LONP1: variants seen among roughly 807,000 people sequenced by gnomAD.
The protein encoded by LONP1 is lon protease homolog, mitochondrial.
LONP1 carries 31 observed loss-of-function variants against 98.5 expected under a neutral mutation model. That is an observed-to-expected ratio of 0.31 (90% CI 0.24 to 0.42). The LOEUF is 0.42. LONP1 is among the 20% of genes least tolerant of loss of function. LONP1 has a pLI of 1.00. For missense variants in LONP1, 1,336 were observed against 1,350.6 expected, an observed-to-expected ratio of 0.99 and a Z score of 0.17; for synonymous variants, 781 against 594.7, an observed-to-expected ratio of 1.31 and a Z score of -4.56.
chr19:5,699,075 CG>C lies in LONP1; in HGVS notation c.1636del (p.Arg546AlafsTer7). Reference protein sequence around the residue: ...IARALNREYFRFSVGGMTDVA... With the variant: ...IARALNREYFXFSVGGMTDVA... ...GTCAGTCATGCCCCCGACGCTGAAGCGGAAGTACTCTCGGTTCAGGGCGCGG... is the reference window on the plus strand; with the variant it reads ...GTCAGTCATGCCCCCGACGCTGAAGCGAAGTACTCTCGGTTCAGGGCGCGG... On this transcript the variant is annotated frameshift_variant, in exon 10 of 18. Coordinates refer to ENST00000360614, the MANE Select transcript of LONP1 (RefSeq NM_004793.4). LOFTEE classifies it high-confidence loss of function. 1 of 1,608,534 alleles carries C rather than the reference CG, an allele frequency of 6.2e-7. No homozygotes were observed. The highest frequency in any genetic ancestry group is 8.5e-7 in the Non-Finnish European group (1 of 1,176,872).
At position 5,699,209 on chromosome 19, in the gene LONP1, C is replaced by T; in HGVS notation, c.1507-4G>A. 6.7e-7 allele frequency: 1 copy of T among 1,493,032 alleles called. No individual in the cohort carries two copies. 92.5% of individuals were successfully genotyped at this position (1,493,032 alleles called of 1,614,324 possible). ...GCTGGCTAACGGCAATGAACTCCTG[C>T]AGACAGAGGCAGGTTCAGTGGGCAC... On this transcript the variant is annotated splice_polypyrimidine_tract_variant and splice_region_variant and intron_variant, in intron 9 of 17. Coordinates refer to ENST00000360614, the MANE Select transcript of LONP1 (RefSeq NM_004793.4).
At position 5,706,633 on chromosome 19, in the gene LONP1, C is replaced by T. The variant is rs147829145; in HGVS notation, c.1146+427G>A. Reference sequence around the variant, plus strand: ...AAGTAAAAAATTCTGAAAAATGCTACGACCGTGAGGTGACCGGCCATCAGG... The same window carrying T: ...AAGTAAAAAATTCTGAAAAATGCTATGACCGTGAGGTGACCGGCCATCAGG... On this transcript the variant is annotated intron_variant, in intron 7 of 17. Transcript: ENST00000360614. Among the ~76,000 whole-genome samples the T allele has an allele frequency of 1.8e-4, 28 of 152,194 alleles. 1 individual carries two copies. The East Asian group carries it at 2.9e-3, about 16-fold the overall frequency.
Position 5,693,426 on chromosome 19 carries a change from T to C in LONP1, c.2575A>G (p.Thr859Ala). 1 of 1,612,412 alleles carries C rather than the reference T, an allele frequency of 6.2e-7. No individual in the cohort carries two copies. The highest frequency in any genetic ancestry group is 8.5e-7 in the Non-Finnish European group (1 of 1,179,218). ...AGGGACAGCAGGGCCGTGACGATGG[T>C]GCAGCCTGCGCTTGGGCCGTCCTTG... is the stretch of plus-strand genomic sequence containing the variant. Reference protein sequence around the residue: ...TPKDGPSAGCTIVTALLSLAM... With the variant: ...TPKDGPSAGCAIVTALLSLAM... Residue 859 changes from threonine to alanine, a missense_variant, in exon 17 of 18, where the codon ACC becomes GCC. Physicochemically the swap from Thr to Ala is moderately conservative, Grantham distance 58. Around this residue, in one of 5 missense-constraint regions of LONP1, gnomAD observed 555 missense variants for 542.6 expected, o/e 1.02. Coordinates refer to ENST00000360614, the MANE Select transcript of LONP1 (RefSeq NM_004793.4).
upstream of LONP1, chr19:5,720,237 G>C (rs898586017): frequency 9.5e-6 from 13 of 1,366,058 alleles, no homozygotes; most frequent in South Asian, 5.1e-5. Context: ...CGCGTGGCTC[G>C]AAACAGCCGC....
At chr19:5,706,244 C>T (rs1219471780) in intron 7 of LONP1, among the ~76,000 whole-genome samples, 1 of 152,086 alleles carries the variant, frequency 6.6e-6, no homozygotes, top group Non-Finnish European at 1.5e-5. Context: ...TCAAGCGATC[C>T]TCCTGCCTTA....
At chr19:5,700,206 T>A (rs1251964690) in intron 9 of LONP1, among the ~76,000 whole-genome samples, 3 of 152,134 alleles carry the variant, frequency 2.0e-5, no homozygotes, top group Admixed American at 2.0e-4. Flanking sequence ...CTCTGGCTCC[T>A]GGGTTCAAGC....
At position 5,693,764 on chromosome 19, in the gene LONP1, A is replaced by C. The variant is rs1356927232; in HGVS notation, c.2326T>G (p.Ser776Ala). ...MGLAWTAMGG[S>A]TLFVETSLRR... ...AGGGATGTCTCCACAAACAGCGTGG[A>C]GCCTCCTGAAACAGGTGTGGAGCTG... The change falls in exon 16 of 18, where the codon TCC becomes GCC. Residue 776 changes from serine to alanine, a missense_variant. By Grantham distance (99) the Ser-to-Ala change is moderately conservative. Around this residue, in one of 5 missense-constraint regions of LONP1, gnomAD observed 555 missense variants for 542.6 expected, o/e 1.02. Transcript: ENST00000360614. 4 of 1,613,178 alleles carry C rather than the reference A, an allele frequency of 2.5e-6. No homozygotes were observed. Among genetic ancestry groups the C allele is most frequent in the Admixed American group, 1.7e-5 (1 of 59,960 alleles).
In LONP1 at chr19:5,693,624, T is replaced by C. The variant is rs562078527; in HGVS notation, c.2466A>G (p.Arg822=). ...ESARIAYTFA[R]AFLMQHAPAN... The stretch of plus-strand genomic sequence containing the variant: ...CGGGGGCGTGCTGCATGAGGAAGGC[T>C]CTGGCGAAGGTGTAGGCTATGCGGG... The change falls in exon 16 of 18, where the codon AGA becomes AGG. Residue 822 remains arginine, a synonymous_variant. Transcript: ENST00000360614. 23 of 1,614,008 alleles carry C rather than the reference T, an allele frequency of 1.4e-5. No individual in the cohort carries two copies. In the African/African-American group the frequency reaches 2.7e-4, roughly 19 times the overall value.
intron 8 of LONP1, among the ~76,000 whole-genome samples, chr19:5,704,291 A>G (rs1317506048): frequency 6.6e-6 from 1 of 152,192 alleles, no homozygotes; most frequent in Non-Finnish European, 1.5e-5. Flanking sequence ...GCGGGATCTC[A>G]GGGCTCGGCA....
intron 1 of LONP1, 75 bp from the exon 2 acceptor site, chr19:5,714,346 T>A: frequency 2.0e-6 from 2 of 1,021,336 alleles, no homozygotes; most frequent in Non-Finnish European, 1.5e-6. Context: ...TCTGTTGCCC[T>A]GGCTGGAATG....
upstream of LONP1, chr19:5,720,210 C>A: frequency 7.2e-7 from 1 of 1,384,208 alleles, no homozygotes. Flanking sequence ...CCGGCGCGTG[C>A]CTCGGTACCC....
chr19:5,693,837 CG>C (rs1342420988), intron 15 of LONP1, 68 bp from the exon 16 acceptor site: 4 of 1,346,366 alleles, frequency 3.0e-6, no homozygotes, highest in Non-Finnish European at 4.1e-6. Context: ...CTCCACCCCT[CG>C]GGGCCACTCT....
In LONP1 at chr19:5,696,124, G is replaced by A. The variant is rs771259377; in HGVS notation, c.1943C>T (p.Pro648Leu). The stretch of plus-strand genomic sequence containing the variant: ...GATCATCTCCATACGGTCTCGCAGC[G>A]GCTCGGGGATGGTGTCCGTGACGTT... ...TANVTDTIPE[P>L]LRDRMEMINV... The change falls in exon 13 of 18, where the codon CCG becomes CTG. Residue 648 changes from proline (P) to leucine (L), a missense_variant. Coordinates refer to ENST00000360614, the MANE Select transcript of LONP1 (RefSeq NM_004793.4). 19 of 1,613,036 alleles carry A rather than the reference G, an allele frequency of 1.2e-5. No homozygotes were observed. The highest frequency in any genetic ancestry group is 1.7e-5 in the Admixed American group (1 of 60,016).
rs765085118 is a variant in LONP1, at chr19:5,700,780, T to C, written c.1506+9A>G. ...TGCAAATCCACAACAGGCCAGACAC[T>C]GGGCTCACCAGGATGCGTTTCTTGA... On this transcript the variant is annotated intron_variant, in intron 9 of 17. Transcript: ENST00000360614. 2 of 1,613,918 alleles carry C rather than the reference T, an allele frequency of 1.2e-6. No individual in the cohort carries two copies. The highest frequency in any genetic ancestry group is 4.5e-5 in the East Asian group (2 of 44,886).
intron 9 of LONP1, among the ~76,000 whole-genome samples, chr19:5,700,170 A>G (rs1425575421): frequency 6.6e-6 from 1 of 151,788 alleles, no homozygotes; most frequent in African/African-American, 2.4e-5. Context: ...CTGGAGTGCA[A>G]TGGCACGATC....
chr19:5,710,193 C>T (rs1319124488), intron 4 of LONP1, among the ~76,000 whole-genome samples: 1 of 151,350 alleles, frequency 6.6e-6, no homozygotes, highest in East Asian at 2.0e-4. Flanking sequence ...AAGCAATTCT[C>T]CCGCCTCAGT....
rs777115270 is a variant in LONP1, at chr19:5,693,780, T to G, written c.2321-11A>C. The G allele has an allele frequency of 1.9e-6, 3 of 1,611,118 alleles. No individual in the cohort carries two copies. In the South Asian group the frequency reaches 3.3e-5, roughly 18 times the overall value. ...ACAGCGTGGAGCCTCCTGAAACAGG[T>G]GTGGAGCTGTGAACACGGGAGGCCT... On this transcript the variant is annotated splice_polypyrimidine_tract_variant and intron_variant, in intron 15 of 17. Coordinates refer to ENST00000360614, the MANE Select transcript of LONP1 (RefSeq NM_004793.4).
chr19:5,700,800 T>G lies in LONP1; in HGVS notation c.1495A>C (p.Lys499Gln). The part of the protein sequence containing the change: ...EDHYGMEDVK[K>Q]RILEFIAVSQ... ...GACACTGGGCTCACCAGGATGCGTTTCTTGACGTCCTCCATGCCGTAGTGG... is the reference window on the plus strand; with the variant it reads ...GACACTGGGCTCACCAGGATGCGTTGCTTGACGTCCTCCATGCCGTAGTGG... The change falls in exon 9 of 18, where the codon AAA becomes CAA. Residue 499 changes from lysine (K) to glutamine (Q), a missense_variant. Physicochemically the swap from Lys to Gln is moderately conservative, Grantham distance 53. Around this residue, in one of 5 missense-constraint regions of LONP1, gnomAD observed 219 missense variants for 241.0 expected, o/e 0.91. Coordinates refer to ENST00000360614, the MANE Select transcript of LONP1 (RefSeq NM_004793.4). 1.2e-6 allele frequency: 2 copies of G among 1,614,166 alleles called. No individual in the cohort carries two copies. The highest frequency in any genetic ancestry group is 1.7e-6 in the Non-Finnish European group (2 of 1,180,000).
At chr19:5,709,251 G>A (rs181213896) in intron 4 of LONP1, among the ~76,000 whole-genome samples, 7 of 151,928 alleles carry the variant, frequency 4.6e-5, no homozygotes, top group Admixed American at 3.3e-4. Flanking sequence ...CACTTTGGGA[G>A]GCAGAGTTAG....
Sources: allele counts gnomAD v4.1 joint callset (sites outside exome capture counted in the v4.1 genomes callset), GRCh38; gene constraint gnomAD v4.1.1; regional missense constraint gnomAD v4.1.1; transcripts MANE v1.5; gene names NCBI Gene and HGNC (gene_info 2026-07-23, HGNC 2026-07-21).